CACNA2D3: variants seen among roughly 807,000 people sequenced by gnomAD.
CACNA2D3 encodes calcium voltage-gated channel auxiliary subunit alpha2delta 3, also known as voltage-dependent calcium channel subunit alpha-2/delta-3.
CACNA2D3 carries 60 observed loss-of-function variants against 160.6 expected under a neutral mutation model. The observed-to-expected ratio is 0.37, with a 90% CI of 0.30 to 0.46. The LOEUF (loss-of-function observed/expected upper bound fraction) is 0.46, where lower values mean the gene tolerates loss of function less well. Ranked by LOEUF, CACNA2D3 falls within the 20% of genes least tolerant of loss-of-function variation. The pLI is 1.00. For missense variants in CACNA2D3, 1,205 were observed against 1,365.0 expected, an observed-to-expected ratio of 0.88 and a Z score of 1.85; for synonymous variants, 558 against 492.9, an observed-to-expected ratio of 1.13 and a Z score of -1.75.
chr3:54,195,284 TC>T (rs1457651326), intron 2 of CACNA2D3, among the ~76,000 whole-genome samples: 2 of 152,124 alleles, frequency 1.3e-5, no homozygotes, highest in South Asian at 2.1e-4. Flanking sequence ...TTAACATGCC[TC>T]CCCACCCTGG....
chr3:54,610,063 C>G (rs890479522), intron 9 of CACNA2D3, among the ~76,000 whole-genome samples: 4 of 152,140 alleles, frequency 2.6e-5, no homozygotes, highest in African/African-American at 9.7e-5. Flanking sequence ...CATCTAGATG[C>G]ATCACTCCAG....
At chr3:54,858,275 C>G (rs917723550) in intron 17 of CACNA2D3, among the ~76,000 whole-genome samples, 1 of 152,114 alleles carries the variant, frequency 6.6e-6, no homozygotes, top group African/African-American at 2.4e-5. Context: ...AGCCCTATTG[C>G]AAGGCTGGGA....
At chr3:54,859,314 G>A (rs1233391474) in intron 17 of CACNA2D3, among the ~76,000 whole-genome samples, 2 of 152,196 alleles carry the variant, frequency 1.3e-5, no homozygotes, top group African/African-American at 4.8e-5. Context: ...GTACTTCATT[G>A]AGGAATGTGC....
chr3:54,215,866 ACT>A (rs1484845471), intron 2 of CACNA2D3, among the ~76,000 whole-genome samples: 3 of 148,012 alleles, frequency 2.0e-5, no homozygotes, highest in African/African-American at 7.3e-5. Context: ...TTCTGAGCTT[ACT>A]GTTTTCTTTT....
chr3:54,851,086 G>T (rs980424521), intron 17 of CACNA2D3, among the ~76,000 whole-genome samples: 1 of 152,146 alleles, frequency 6.6e-6, no homozygotes, highest in Non-Finnish European at 1.5e-5. Context: ...GAGAAGATGC[G>T]CTTTTTATTT....
intron 27 of CACNA2D3, among the ~76,000 whole-genome samples, chr3:54,962,676 G>C (rs753081639): frequency 6.6e-6 from 1 of 152,142 alleles, no homozygotes; most frequent in African/African-American, 2.4e-5. Flanking sequence ...ATCAGTTCTC[G>C]CAGCAAAACA....
chr3:54,139,504 T>G (rs1699880339), intron 2 of CACNA2D3, among the ~76,000 whole-genome samples: 1 of 152,254 alleles, frequency 6.6e-6, no homozygotes, highest in South Asian at 2.1e-4. Context: ...TGACATTATC[T>G]CCCAGGAGCC....
At chr3:54,237,515 G>T (rs940116324) in intron 2 of CACNA2D3, among the ~76,000 whole-genome samples, 1 of 152,096 alleles carries the variant, frequency 6.6e-6, no homozygotes, top group African/African-American at 2.4e-5. Context: ...CAGGTCCAAA[G>T]CATTTTTATA....
At chr3:54,259,463 A>C (rs1305938480) in intron 2 of CACNA2D3, among the ~76,000 whole-genome samples, 2 of 152,208 alleles carry the variant, frequency 1.3e-5, no homozygotes, top group Non-Finnish European at 2.9e-5. Flanking sequence ...AAAAAAGAAA[A>C]CTTGAGATGT....
At chr3:54,413,405 T>C (rs1366235830) in intron 4 of CACNA2D3, among the ~76,000 whole-genome samples, 1 of 147,274 alleles carries the variant, frequency 6.8e-6, no homozygotes, top group Non-Finnish European at 1.5e-5. Context: ...TATCTATATA[T>C]ATCTATATAT....
chr3:54,766,638 C>T (rs963073753), intron 13 of CACNA2D3, among the ~76,000 whole-genome samples: 1 of 152,158 alleles, frequency 6.6e-6, no homozygotes, highest in Admixed American at 6.5e-5. Context: ...AATATATGCA[C>T]AAGTTTGTTC....
At chr3:54,229,355 C>A (rs1042830102) in intron 2 of CACNA2D3, among the ~76,000 whole-genome samples, 1 of 152,160 alleles carries the variant, frequency 6.6e-6, no homozygotes, top group Non-Finnish European at 1.5e-5. Flanking sequence ...CCATGCCCGG[C>A]TGATTTTTGT....
At chr3:54,686,587 A>G (rs1329148137) in intron 11 of CACNA2D3, among the ~76,000 whole-genome samples, 1 of 152,180 alleles carries the variant, frequency 6.6e-6, no homozygotes, top group Non-Finnish European at 1.5e-5. Flanking sequence ...ATGTTTCCCA[A>G]ACTGTGGGCC....
chr3:54,167,952 AG>A (rs1700490247), intron 2 of CACNA2D3, among the ~76,000 whole-genome samples: 1 of 152,228 alleles, frequency 6.6e-6, no homozygotes, highest in African/African-American at 2.4e-5. Context: ...CATGAATGAC[AG>A]TCCCTTCCTT....
rs142224929 is a variant in CACNA2D3 at position 54,285,110 on chromosome 3, G to A, written c.205-35332G>A. On this transcript the variant is annotated intron_variant, in intron 2 of 37. Transcript: ENST00000474759. ...GGACAGTGGGTGCAGCGCACCGTGCGCGAGCCGAAGCAGGACGAGGCATTG... is the reference window on the plus strand; with the variant it reads ...GGACAGTGGGTGCAGCGCACCGTGCACGAGCCGAAGCAGGACGAGGCATTG... 8.7e-3 allele frequency among the ~76,000 whole-genome samples: 1,324 copies of A among 152,298 alleles called. 16 individuals carry two copies. The highest frequency in any genetic ancestry group is 0.029 in the African/African-American group (1,187 of 41,570).
chr3:55,067,516 G>C (rs940649547), intron 35 of CACNA2D3, among the ~76,000 whole-genome samples: 5 of 152,054 alleles, frequency 3.3e-5, no homozygotes, highest in Admixed American at 6.5e-5. Flanking sequence ...TTGTAAAATG[G>C]GCTTGACCCT....
intron 2 of CACNA2D3, among the ~76,000 whole-genome samples, chr3:54,164,592 G>A (rs1700415257): frequency 6.6e-6 from 1 of 152,076 alleles, no homozygotes; most frequent in African/African-American, 2.4e-5. Context: ...CCCTTTTTAG[G>A]CCATTATCAA....
chr3:54,796,015 A>G (rs1702859083), intron 13 of CACNA2D3, among the ~76,000 whole-genome samples: 1 of 152,238 alleles, frequency 6.6e-6, no homozygotes, highest in African/African-American at 2.4e-5. Flanking sequence ...CAATCCCAGC[A>G]TATTAACAGA....
chr3:54,476,710 T>C (rs1347993290), intron 4 of CACNA2D3, among the ~76,000 whole-genome samples: 1 of 152,206 alleles, frequency 6.6e-6, no homozygotes, highest in Non-Finnish European at 1.5e-5. Context: ...GTGTTCTTTG[T>C]TCAAACGTCT....
Sources: allele counts gnomAD v4.1 joint callset (sites outside exome capture counted in the v4.1 genomes callset), GRCh38; gene constraint gnomAD v4.1.1; transcripts MANE v1.5; gene names NCBI Gene and HGNC (gene_info 2026-07-23, HGNC 2026-07-21).